Variants in POC1A observed in about 807,000 individuals in gnomAD.
POC1A encodes POC1 centriolar protein homolog A.
Under a neutral mutation model 47.8 loss-of-function variants are expected in POC1A, and 34 were observed. The observed-to-expected ratio is 0.71, with a 90% CI of 0.54 to 0.95. POC1A has a LOEUF of 0.95. POC1A is among the 40% of genes least tolerant of loss of function. The pLI is 0.00. For missense variants in POC1A, 466 were observed against 528.3 expected (o/e 0.88, Z 1.16); for synonymous variants, 177 against 207.6 (o/e 0.85, Z 1.27).
At chr3:52,104,117 G>C (rs1176551206) in intron 9 of POC1A, among the ~76,000 whole-genome samples, 2 of 152,120 alleles carry the variant, frequency 1.3e-5, no homozygotes, top group Non-Finnish European at 2.9e-5. Context: ...CAAAACTGTG[G>C]TATATCCATT....
intron 10 of POC1A, among the ~76,000 whole-genome samples, chr3:52,092,045 G>C (rs1393867725): frequency 6.6e-6 from 1 of 152,182 alleles, no homozygotes; most frequent in Non-Finnish European, 1.5e-5. Flanking sequence ...ACAGCTGGTG[G>C]GGATGTGTAA....
intron 9 of POC1A, among the ~76,000 whole-genome samples, chr3:52,102,549 C>T (rs1047601129): frequency 5.9e-5 from 9 of 152,328 alleles, no homozygotes; most frequent in East Asian, 3.9e-4. Flanking sequence ...CAATCCAAGA[C>T]GATCTCACCT....
At chr3:52,093,170 C>T (rs1233499522) in intron 10 of POC1A, among the ~76,000 whole-genome samples, 1 of 152,202 alleles carries the variant, frequency 6.6e-6, no homozygotes, top group South Asian at 2.1e-4. Flanking sequence ...ATGGCCTTGA[C>T]CCGGTGTCTG....
intron 10 of POC1A, among the ~76,000 whole-genome samples, chr3:52,086,900 G>A (rs773711249): frequency 2.6e-5 from 4 of 152,240 alleles, no homozygotes; most frequent in Non-Finnish European, 5.9e-5. Context: ...TACACAGCAG[G>A]TGCACACTGA....
intron 6 of POC1A, among the ~76,000 whole-genome samples, chr3:52,145,055 T>C (rs991368589): frequency 3.3e-5 from 5 of 152,184 alleles, no homozygotes; most frequent in African/African-American, 1.2e-4. Flanking sequence ...GTCTTGCTCA[T>C]CTCTGTTTTG....
At chr3:52,149,477 C>T (rs1398514197) in intron 3 of POC1A, 88 bp from the exon 4 acceptor site, 2 of 1,264,452 alleles carry the variant, frequency 1.6e-6, no homozygotes, top group South Asian at 1.3e-5. Context: ...ACTCCTCAAG[C>T]ACCCCTCCCA....
At chr3:52,094,438 A>C (rs1422265364) in intron 10 of POC1A, among the ~76,000 whole-genome samples, 1 of 152,240 alleles carries the variant, frequency 6.6e-6, no homozygotes, top group African/African-American at 2.4e-5. Context: ...GCACAGGGAA[A>C]CTTTCAACCC....
At position 52,090,302 on chromosome 3, in the gene POC1A, A is replaced by G. The variant is rs1702601524; in HGVS notation, c.1125+6267T>C. Among the ~76,000 whole-genome samples, 1 of 152,212 alleles carries G rather than the reference A, an allele frequency of 6.6e-6. No homozygotes were observed. The highest frequency in any genetic ancestry group is 1.5e-5 in the Non-Finnish European group (1 of 68,038). On this transcript the variant is annotated intron_variant, in intron 10 of 10. Coordinates refer to ENST00000296484, the MANE Select transcript of POC1A (RefSeq NM_015426.5). This position sits in a 1 kb window ranked among gnomAD's most constrained non-coding sequence, Gnocchi z 4.2. ...TGGAGCAGGAATTTCATGGCTCGGT[A>G]TTTTTAAAAAGCAGCAAGACGTGAA...
intron 7 of POC1A, among the ~76,000 whole-genome samples, chr3:52,135,243 C>G (rs1559843667): frequency 6.6e-6 from 1 of 152,238 alleles, no homozygotes; most frequent in Non-Finnish European, 1.5e-5. Context: ...AAAGCCACCT[C>G]TGATCCTAGC....
intron 9 of POC1A, among the ~76,000 whole-genome samples, chr3:52,108,789 C>T (rs535914206): frequency 1.3e-5 from 2 of 152,310 alleles, no homozygotes; most frequent in South Asian, 4.2e-4. Flanking sequence ...TGGGGTCAAA[C>T]AGCCTCTCCT....
chr3:52,152,925 G>C (rs1698603048), intron 1 of POC1A, among the ~76,000 whole-genome samples: 1 of 152,220 alleles, frequency 6.6e-6, no homozygotes, highest in Non-Finnish European at 1.5e-5. Context: ...CATTTTGTCT[G>C]ATTCCATTCA....
rs751748215 is a variant in POC1A, at chr3:52,138,219, T to A, written c.763A>T (p.Ile255Phe). The A allele has an allele frequency of 2.5e-6, 4 of 1,613,834 alleles. No homozygotes were observed. In the African/African-American group the frequency reaches 5.3e-5, roughly 22 times the overall value. ...ITASSDSTLKILDLMEGRLLY... is the reference protein window; with the variant it reads ...ITASSDSTLKFLDLMEGRLLY... ...AGCCGGCCCTCCATCAGGTCCAGGATCTTCAGGGTTGAGTCACTGGAGGCT... is the reference window on the plus strand; with the variant it reads ...AGCCGGCCCTCCATCAGGTCCAGGAACTTCAGGGTTGAGTCACTGGAGGCT... The change falls in exon 7 of 11, where the codon ATC (isoleucine) becomes TTC (phenylalanine). Residue 255 changes from isoleucine (I) to phenylalanine (F), a missense_variant. Coordinates refer to ENST00000296484, the MANE Select transcript of POC1A (RefSeq NM_015426.5).
chr3:52,122,806 T>C (rs1312038509), intron 8 of POC1A, among the ~76,000 whole-genome samples: 1 of 152,266 alleles, frequency 6.6e-6, no homozygotes, highest in Non-Finnish European at 1.5e-5. Flanking sequence ...AAGTGTCTGC[T>C]TCAACAGCAC....
rs1202377497 is a variant in POC1A at position 52,149,975 on chromosome 3, A to G, written c.116T>C (p.Met39Thr). 3 of 1,613,382 alleles carry G rather than the reference A, an allele frequency of 1.9e-6. No homozygotes were observed. Among genetic ancestry groups the G allele is most frequent in the East Asian group, 2.2e-5 (1 of 44,888 alleles). Residue 39 changes from methionine to threonine, a missense_variant, in exon 3 of 11, where the codon ATG becomes ACG. Transcript: ENST00000296484. The stretch of plus-strand genomic sequence containing the variant: ...GTGCCAGACCATGAGGCATGAGTCC[A>G]TGGAGCCACTGGCTGAGGACAGTGG... Reference protein sequence around the residue: ...INTKQLASGSMDSCLMVWHMK... With the variant: ...INTKQLASGSTDSCLMVWHMK...
At chr3:52,132,978 G>A (rs1160911749) in intron 7 of POC1A, among the ~76,000 whole-genome samples, 2 of 152,038 alleles carry the variant, frequency 1.3e-5, no homozygotes, top group East Asian at 3.9e-4. Context: ...CCTGGGAGAC[G>A]GAGGTTGCAG....
At chr3:52,135,827 C>T (rs1211384683) in intron 7 of POC1A, among the ~76,000 whole-genome samples, 1 of 152,208 alleles carries the variant, frequency 6.6e-6, no homozygotes, top group Non-Finnish European at 1.5e-5. Flanking sequence ...CTCAAGGCAG[C>T]AACCCCACAG....
chr3:52,078,288 G>C (rs1168947910), intron 10 of POC1A, among the ~76,000 whole-genome samples: 5 of 152,006 alleles, frequency 3.3e-5, no homozygotes, highest in African/African-American at 1.2e-4. Flanking sequence ...CCCACTCTGA[G>C]CCAGGAGAAG....
chr3:52,111,652 T>TTAA (rs1367347670), intron 9 of POC1A, among the ~76,000 whole-genome samples: 10 of 95,178 alleles, frequency 1.1e-4, no homozygotes, highest in African/African-American at 3.6e-4. Flanking sequence ...GTCTCAAAAT[T>TTAA]AAAAAAAAAA....
At chr3:52,140,871 C>A (rs1004473709) in intron 6 of POC1A, among the ~76,000 whole-genome samples, 2 of 152,224 alleles carry the variant, frequency 1.3e-5, no homozygotes, top group Non-Finnish European at 2.9e-5. Context: ...GAGTCTACCA[C>A]GAAGGCTAGG....
Sources: allele counts gnomAD v4.1 joint callset (sites outside exome capture counted in the v4.1 genomes callset), GRCh38; gene constraint gnomAD v4.1.1; non-coding constraint Gnocchi (gnomAD v3.1); transcripts MANE v1.5; gene names NCBI Gene and HGNC (gene_info 2026-07-23, HGNC 2026-07-21).